Variants in PLCH1 observed in about 807,000 individuals in gnomAD.
PLCH1 encodes the protein 1-phosphatidylinositol 4,5-bisphosphate phosphodiesterase eta-1.
PLCH1 carries 60 observed loss-of-function variants against 126.7 expected under a neutral mutation model. That is an observed-to-expected ratio of 0.47 (90% CI 0.38 to 0.59). PLCH1 has a LOEUF of 0.59. Ranked by LOEUF, PLCH1 falls within the 20% of genes least tolerant of loss-of-function variation. The pLI, the probability that PLCH1 is intolerant of heterozygous loss-of-function variation, is 0.00. For synonymous variants in PLCH1, 719 were observed against 734.9 expected, an observed-to-expected ratio of 0.98 and a Z score of 0.35; for missense variants, 1,723 against 2,040.0, an observed-to-expected ratio of 0.84 and a Z score of 2.99.
At chr3:155,719,122 T>C (rs1207477979) in intron 1 of PLCH1, among the ~76,000 whole-genome samples, 3 of 152,116 alleles carry the variant, frequency 2.0e-5, no homozygotes, top group African/African-American at 7.2e-5. Context: ...CTGAGCAGAG[T>C]ACACTGTACC....
At chr3:155,723,092 T>G (rs1477248796) in intron 1 of PLCH1, among the ~76,000 whole-genome samples, 1 of 152,218 alleles carries the variant, frequency 6.6e-6, no homozygotes, top group Non-Finnish European at 1.5e-5. Context: ...TCTCTAGGTT[T>G]TCTAGTTTAT....
chr3:155,718,657 G>C (rs1183627720), intron 1 of PLCH1, among the ~76,000 whole-genome samples: 1 of 152,070 alleles, frequency 6.6e-6, no homozygotes, highest in African/African-American at 2.4e-5. Context: ...GTGCGGGGGG[G>C]AGGTGCCACA....
intron 2 of PLCH1, among the ~76,000 whole-genome samples, chr3:155,696,401 A>G (rs1296843986): frequency 6.6e-6 from 1 of 152,172 alleles, no homozygotes; most frequent in African/African-American, 2.4e-5. Context: ...TCCAAGGAAA[A>G]AAATCTAGAT....
chr3:155,491,270 A>G (rs946283182), intron 18 of PLCH1, among the ~76,000 whole-genome samples: 6 of 151,944 alleles, frequency 3.9e-5, no homozygotes, highest in African/African-American at 1.5e-4. Flanking sequence ...GTTTTTTGTT[A>G]TTTTGTTTTT....
At chr3:155,561,483 A>G (rs1487969122) in intron 8 of PLCH1, among the ~76,000 whole-genome samples, 39 of 151,530 alleles carry the variant, frequency 2.6e-4, no homozygotes, top group Non-Finnish European at 4.6e-4. Context: ...TTATGGCTGC[A>G]TAGTATTCCA....
chr3:155,577,627 G>C lies in PLCH1; in HGVS notation c.771+5845C>G, dbSNP rs556305929. Among the ~76,000 whole-genome samples, 380 of 152,248 alleles carry C rather than the reference G, an allele frequency of 2.5e-3. 1 individual carries two copies. Among genetic ancestry groups the C allele is most frequent in the Non-Finnish European group, 4.7e-3 (318 of 68,034 alleles). ...TCTTTTGAGTCATGCTCATATGTAA[G>C]TAGCTTCAAGCTAATTTAGAAAATT... On this transcript the variant is annotated intron_variant, in intron 6 of 22. Transcript: ENST00000460012.
intron 1 of PLCH1, among the ~76,000 whole-genome samples, chr3:155,712,117 A>G (rs1003328717): frequency 6.6e-6 from 1 of 152,206 alleles, no homozygotes; most frequent in African/African-American, 2.4e-5. Flanking sequence ...CCAACTGATG[A>G]AATACGTCAG....
chr3:155,544,323 A>G (rs1197199968), intron 10 of PLCH1, among the ~76,000 whole-genome samples: 2 of 152,240 alleles, frequency 1.3e-5, no homozygotes, highest in Non-Finnish European at 2.9e-5. Flanking sequence ...GACCAATTCA[A>G]CAAGAAGAGC....
intron 2 of PLCH1, among the ~76,000 whole-genome samples, chr3:155,641,661 A>C (rs1319474334): frequency 1.3e-5 from 2 of 152,230 alleles, no homozygotes; most frequent in African/African-American, 2.4e-5. Flanking sequence ...TGATTTGATC[A>C]TTACACATTG....
At chr3:155,498,751 A>G (rs745564056) in intron 14 of PLCH1, among the ~76,000 whole-genome samples, 4 of 152,128 alleles carry the variant, frequency 2.6e-5, no homozygotes, top group Non-Finnish European at 4.4e-5. Flanking sequence ...ACAAACATTC[A>G]TTACTTTATC....
intron 8 of PLCH1, among the ~76,000 whole-genome samples, chr3:155,563,287 G>A (rs1053387011): frequency 1.3e-5 from 2 of 152,096 alleles, no homozygotes; most frequent in Admixed American, 1.3e-4. Context: ...TCTTCATTAA[G>A]TTCAGACATT....
rs879157250 is a variant in PLCH1 at position 155,469,970 on chromosome 3, T to C, written c.2938+15386A>G. Among the ~76,000 whole-genome samples, 99 of 151,982 alleles carry C rather than the reference T, an allele frequency of 6.5e-4. 1 individual carries two copies. Among genetic ancestry groups the C allele is most frequent in the African/African-American group, 2.2e-3 (92 of 41,416 alleles). On this transcript the variant is annotated intron_variant, in intron 21 of 21. Coordinates refer to the PLCH1 transcript ENST00000494598. ...CCAAAAGTAGATAAAACCACAAAGATAGGGAAAAAACAGAACAGAAAAACT... is the reference window on the plus strand; with the variant it reads ...CCAAAAGTAGATAAAACCACAAAGACAGGGAAAAAACAGAACAGAAAAACT...
At chr3:155,605,040 G>T (rs768262646) in intron 2 of PLCH1, among the ~76,000 whole-genome samples, 1 of 152,160 alleles carries the variant, frequency 6.6e-6, no homozygotes, top group Non-Finnish European at 1.5e-5. Context: ...ATTCAAGTTG[G>T]CCCAGCAGAC....
At position 155,517,622 on chromosome 3, in the gene PLCH1, T is replaced by G. The variant is rs577450461; in HGVS notation, c.1471-2738A>C. On this transcript the variant is annotated intron_variant, in intron 11 of 22. Transcript: ENST00000460012. ...TGTGTCTTCTCTTCTTATGAGGACATTGTCATTGGATTTAGGGCCCACGTG... is the reference window on the plus strand; with the variant it reads ...TGTGTCTTCTCTTCTTATGAGGACAGTGTCATTGGATTTAGGGCCCACGTG... Among the ~76,000 whole-genome samples, 4 of 152,294 alleles carry G rather than the reference T, an allele frequency of 2.6e-5. No individual in the cohort carries two copies. In the East Asian group the frequency reaches 7.7e-4, roughly 29 times the overall value.
At chr3:155,694,676 C>A (rs1376273819) in intron 2 of PLCH1, among the ~76,000 whole-genome samples, 1 of 152,130 alleles carries the variant, frequency 6.6e-6, no homozygotes, top group African/African-American at 2.4e-5. Flanking sequence ...TGCTGACAAA[C>A]AGACAAAAAC....
At chr3:155,496,663 T>C (rs1261117845) in intron 15 of PLCH1, among the ~76,000 whole-genome samples, 1 of 137,918 alleles carries the variant, frequency 7.3e-6, no homozygotes, top group Non-Finnish European at 1.5e-5. Context: ...AAAAGCCACA[T>C]GACAGTAGGT....
At chr3:155,544,936 GA>G (rs1377681463) in intron 10 of PLCH1, among the ~76,000 whole-genome samples, 11 of 150,512 alleles carry the variant, frequency 7.3e-5, no homozygotes, top group African/African-American at 2.7e-4. Flanking sequence ...GAGAAAGCAG[GA>G]AAGATCCAAA....
At chr3:155,472,388 A>C (rs1713308694) in intron 21 of PLCH1, among the ~76,000 whole-genome samples, 1 of 152,216 alleles carries the variant, frequency 6.6e-6, no homozygotes, top group Non-Finnish European at 1.5e-5. Context: ...GAAGAAGTTG[A>C]ATCTCTGAAT....
chr3:155,730,010 A>T (rs895429464), intron 1 of PLCH1, among the ~76,000 whole-genome samples: 3 of 152,190 alleles, frequency 2.0e-5, no homozygotes, highest in Non-Finnish European at 2.9e-5. Context: ...GATAATAGTC[A>T]TAATAAAAAT....
Sources: gnomAD v4.1 joint callset for allele counts (sites outside exome capture counted in the v4.1 genomes callset) on GRCh38, gnomAD v4.1.1 for gene constraint, MANE v1.5 for transcripts, NCBI Gene and HGNC (gene_info 2026-07-23, HGNC 2026-07-21) for gene names.